Variants in CRPPA observed in about 807,000 individuals in gnomAD.
CRPPA encodes the protein CDP-L-ribitol pyrophosphorylase A.
CRPPA carries 43 observed loss-of-function variants against 52.0 expected under a neutral mutation model. That is an observed-to-expected ratio of 0.83 (90% confidence interval 0.65 to 1.07). CRPPA has a LOEUF of 1.07. Ranked by LOEUF, CRPPA falls within the 50% of genes least tolerant of loss-of-function variation. CRPPA has a pLI of 0.00. For synonymous variants in CRPPA, 250 were observed against 203.5 expected (o/e 1.23, Z -1.94); for missense variants, 629 against 551.7 (o/e 1.14, Z -1.40).
rs148358795 is a variant in CRPPA, at chr7:16,120,197, C to T, written c.1252-28398G>A. Reference sequence around the variant, plus strand: ...TGTAATCAGGCTCCTTTAAGCCCTTCAGGTGTTGACCTTGGTCAGGTCTGT... The same window carrying T: ...TGTAATCAGGCTCCTTTAAGCCCTTTAGGTGTTGACCTTGGTCAGGTCTGT... On this transcript the variant is annotated intron_variant, in intron 9 of 9. Transcript: ENST00000407010. 1.8e-3 allele frequency among the ~76,000 whole-genome samples: 281 copies of T among 152,324 alleles called. 1 individual carries two copies. The highest frequency in any genetic ancestry group is 6.5e-3 in the African/African-American group (270 of 41,568).
chr7:16,341,105 A>G (rs1785815256), intron 3 of CRPPA, among the ~76,000 whole-genome samples: 1 of 152,138 alleles, frequency 6.6e-6, no homozygotes, highest in African/African-American at 2.4e-5. Context: ...GAGGGAAGGT[A>G]AATACAGCAA....
intron 8 of CRPPA, among the ~76,000 whole-genome samples, chr7:16,256,379 G>T (rs913195674): frequency 6.6e-6 from 1 of 152,144 alleles, no homozygotes; most frequent in Admixed American, 6.6e-5. Flanking sequence ...TCTAGAACCA[G>T]AAATACCATT....
At chr7:16,415,080 G>T (rs79941033) in intron 1 of CRPPA, among the ~76,000 whole-genome samples, 1,728 of 152,312 alleles carry the variant, frequency 0.011, 40 homozygotes, top group African/African-American at 0.04. Flanking sequence ...ACATGCCTCA[G>T]ATACTGGTGG....
chr7:16,178,096 T>C (rs1781341757), intron 9 of CRPPA, among the ~76,000 whole-genome samples: 2 of 151,688 alleles, frequency 1.3e-5, no homozygotes, highest in Middle Eastern at 3.4e-3. Flanking sequence ...AAAGTTTGAC[T>C]AGAATTTAAG....
chr7:16,361,495 T>C (rs1211766198), intron 3 of CRPPA, among the ~76,000 whole-genome samples: 3 of 152,162 alleles, frequency 2.0e-5, no homozygotes, highest in African/African-American at 7.2e-5. Context: ...ATAAACAAAA[T>C]GTGGTATGTA....
In CRPPA at chr7:16,159,443, G is replaced by A. The variant is rs112974657; in HGVS notation, c.1251+56623C>T. Among the ~76,000 whole-genome samples, 334 of 152,280 alleles carry A rather than the reference G, an allele frequency of 2.2e-3. 2 individuals are homozygous for A. The highest frequency in any genetic ancestry group is 7.7e-3 in the African/African-American group (319 of 41,556). On this transcript the variant is annotated intron_variant, in intron 9 of 9. Transcript: ENST00000407010. The stretch of plus-strand genomic sequence containing the variant: ...ACTCCCACTTATGAGGACAGGCGGT[G>A]TTTGGTTTTCTGTTCCTGTGTTAGC...
intron 9 of CRPPA, among the ~76,000 whole-genome samples, chr7:16,120,539 T>C (rs1206137635): frequency 6.6e-6 from 1 of 152,192 alleles, no homozygotes; most frequent in African/African-American, 2.4e-5. Context: ...GATTTTGTAA[T>C]TTCTCAAAGA....
chr7:16,197,695 C>T (rs1781768263), intron 9 of CRPPA, among the ~76,000 whole-genome samples: 1 of 150,734 alleles, frequency 6.6e-6, no homozygotes, highest in Non-Finnish European at 1.5e-5. Flanking sequence ...CATAATGACT[C>T]CATCCAAATC....
chr7:16,384,162 A>G (rs186559033), intron 2 of CRPPA, among the ~76,000 whole-genome samples: 66 of 152,240 alleles, frequency 4.3e-4, no homozygotes, highest in African/African-American at 1.5e-3. Context: ...AGGGCCACTC[A>G]TGATGCAGTT....
chr7:16,136,815 T>G (rs562732879), intron 9 of CRPPA, among the ~76,000 whole-genome samples: 2 of 152,348 alleles, frequency 1.3e-5, no homozygotes, highest in Admixed American at 1.3e-4. Flanking sequence ...TTTGTACACA[T>G]AGATCTCTTA....
intron 2 of CRPPA, among the ~76,000 whole-genome samples, chr7:16,400,630 C>T (rs959802999): frequency 9.2e-5 from 14 of 152,100 alleles, no homozygotes; most frequent in East Asian, 1.9e-4. Context: ...ATGATGTGAT[C>T]GAGTCATTTT....
chr7:16,290,223 C>G (rs1199244812), intron 5 of CRPPA, among the ~76,000 whole-genome samples: 1 of 151,926 alleles, frequency 6.6e-6, no homozygotes, highest in East Asian at 1.9e-4. Flanking sequence ...CACACTATAT[C>G]CAAAGCAATC....
chr7:16,201,054 C>G (rs1197531792), intron 9 of CRPPA, among the ~76,000 whole-genome samples: 1 of 152,020 alleles, frequency 6.6e-6, no homozygotes, highest in African/African-American at 2.4e-5. Context: ...ATCAACTTCA[C>G]TGCAAGGAAA....
At chr7:16,399,731 G>A (rs1269452552) in intron 2 of CRPPA, among the ~76,000 whole-genome samples, 2 of 151,994 alleles carry the variant, frequency 1.3e-5, no homozygotes, top group African/African-American at 4.8e-5. Flanking sequence ...ACTGACATAT[G>A]ATTGACATGT....
chr7:16,286,042 TAA>T (rs1562608401), intron 5 of CRPPA, among the ~76,000 whole-genome samples: 103 of 6,712 alleles, frequency 0.015, 2 homozygotes, highest in African/African-American at 0.02. Context: ...AAAAAAAATA[TAA>T]ATATATATAT....
intron 1 of CRPPA, among the ~76,000 whole-genome samples, chr7:16,417,511 C>T (rs1583593384): frequency 6.6e-6 from 1 of 152,242 alleles, no homozygotes; most frequent in East Asian, 1.9e-4. Flanking sequence ...CAGCTGGAGG[C>T]CATTATTCTA....
chr7:16,095,874 A>G (rs924379661), intron 9 of CRPPA, among the ~76,000 whole-genome samples: 5 of 152,198 alleles, frequency 3.3e-5, no homozygotes, highest in Non-Finnish European at 7.3e-5. Flanking sequence ...CTAACTGTGC[A>G]TGCCCAAGGA....
chr7:16,398,769 C>T (rs187015633), intron 2 of CRPPA, among the ~76,000 whole-genome samples: 13 of 152,272 alleles, frequency 8.5e-5, no homozygotes, highest in South Asian at 2.1e-4. Context: ...ACACGTGATA[C>T]GTGACTGACA....
intron 9 of CRPPA, among the ~76,000 whole-genome samples, chr7:16,098,417 C>A (rs1332369662): frequency 2.0e-5 from 3 of 152,182 alleles, no homozygotes; most frequent in Non-Finnish European, 4.4e-5. Context: ...TACCTAAAAC[C>A]TAATTCAATT....
Sources: allele counts gnomAD v4.1 joint callset (sites outside exome capture counted in the v4.1 genomes callset), GRCh38; gene constraint gnomAD v4.1.1; transcripts MANE v1.5; gene names NCBI Gene and HGNC (gene_info 2026-07-23, HGNC 2026-07-21).